Variants in SLC25A46 observed in about 807,000 individuals in gnomAD.
SLC25A46 encodes the protein solute carrier family 25 member 46.
Under a neutral mutation model 44.6 loss-of-function variants are expected in SLC25A46, and 39 were observed. The ratio of observed to expected loss-of-function variants is 0.87; its 90% confidence interval spans 0.68 to 1.14. SLC25A46 has a LOEUF of 1.14. Ranked by LOEUF, SLC25A46 falls within the 50% of genes most tolerant of loss-of-function variation. SLC25A46 has a pLI of 0.00. For synonymous variants in SLC25A46, 202 were observed against 185.8 expected, an observed-to-expected ratio of 1.09 and a Z score of -0.71; for missense variants, 547 against 522.7, an observed-to-expected ratio of 1.05 and a Z score of -0.45.
rs933032669 is a variant in SLC25A46, at chr5:110,764,293, G to A, written c.*2511G>A. 5 of 151,662 alleles carry A rather than the reference G, an allele frequency of 3.3e-5. No individual in the cohort carries two copies. The highest frequency in any genetic ancestry group is 9.7e-5 in the African/African-American group (4 of 41,316). 9.4% of individuals were successfully genotyped at this position (151,662 alleles called of 1,614,324 possible). A position where few individuals can be genotyped will look rare whatever the true frequency, so the allele number is the denominator to read the frequency against. On this transcript the variant is annotated 3_prime_UTR_variant, in exon 8 of 8. Coordinates refer to ENST00000355943, the MANE Select transcript of SLC25A46 (RefSeq NM_138773.4). ...AATTTACTATGTAAAGTGAACTTAC[G>A]AATTAACTTACTAAATACATATATG...
intron 7 of SLC25A46, among the ~76,000 whole-genome samples, chr5:110,758,631 A>C (rs1440946858): frequency 6.6e-6 from 1 of 151,972 alleles, no homozygotes; most frequent in Non-Finnish European, 1.5e-5. Context: ...AAAATACAAA[A>C]ATTAGCCGGG....
At chr5:110,750,347 G>C (rs1799934450) in intron 5 of SLC25A46, among the ~76,000 whole-genome samples, 1 of 151,818 alleles carries the variant, frequency 6.6e-6, no homozygotes, top group Non-Finnish European at 1.5e-5. Context: ...AGTACTTATA[G>C]TCAAATATTC....
In SLC25A46 at chr5:110,739,018, C is replaced by T; in HGVS notation, c.-102C>T. The stretch of plus-strand genomic sequence containing the variant: ...GACTTCCGGTTGTCAGAATTTACCC[C>T]TGACGCGGCGGCGGCCGACGGGAAG... On this transcript the variant is annotated 5_prime_UTR_variant, in exon 1 of 8. Coordinates refer to ENST00000355943, the MANE Select transcript of SLC25A46 (RefSeq NM_138773.4). The T allele has an allele frequency of 1.3e-6, 2 of 1,484,842 alleles. No homozygotes were observed. Among genetic ancestry groups the T allele is most frequent in the South Asian group, 2.6e-5 (2 of 76,512 alleles). 92.0% of individuals were successfully genotyped at this position (1,484,842 alleles called of 1,614,324 possible).
intron 3 of SLC25A46, among the ~76,000 whole-genome samples, chr5:110,744,114 A>G (rs1799756900): frequency 1.3e-5 from 2 of 152,176 alleles, no homozygotes; most frequent in Non-Finnish European, 2.9e-5. Context: ...ATTTTTGCAA[A>G]TATCTTTAAT....
rs535719613 is a variant in SLC25A46 at position 110,762,395 on chromosome 5, T to G, written c.*613T>G. 3.9e-5 allele frequency: 6 copies of G among 152,044 alleles called. No individual in the cohort carries two copies. The highest frequency in any genetic ancestry group is 3.9e-4 in the Admixed American group (6 of 15,218). 9.4% of individuals were successfully genotyped at this position (152,044 alleles called of 1,614,324 possible). ...GCCATTTATGTATACACATGTAACT[T>G]GGAATTTCCTTCATCCCTACACATT... On this transcript the variant is annotated 3_prime_UTR_variant, in exon 8 of 8. Transcript: ENST00000355943.
At chr5:110,748,033 T>C in intron 4 of SLC25A46, 130 bp from the exon 5 acceptor site, 1 of 602,634 alleles carries the variant, frequency 1.7e-6, no homozygotes, top group Non-Finnish European at 2.9e-6. Flanking sequence ...TTAATTGTAG[T>C]TCTCTACTAA....
rs1002659067 is a variant in SLC25A46 at position 110,765,088 on chromosome 5, TCTTA to T, written c.*3309_*3312del. 1.2e-3 allele frequency: 181 copies of T among 151,902 alleles called. No individual in the cohort carries two copies. The highest frequency in any genetic ancestry group is 4.2e-3 in the African/African-American group (175 of 41,504). The allele number at this position is 151,902 out of a possible 1,614,324, so 9.4% of individuals were successfully genotyped here. On this transcript the variant is annotated 3_prime_UTR_variant, in exon 8 of 8. Transcript: ENST00000355943. ...TATGACTTTTTTTTTTTTAAGTTTG[TCTTA>T]CTGTTACTTTAAATGTTTTGGGTAA...
At chr5:110,741,901 C>T in intron 1 of SLC25A46, 146 bp from the exon 2 acceptor site, 3 of 598,066 alleles carry the variant, frequency 5.0e-6, no homozygotes, top group Non-Finnish European at 8.8e-6. Context: ...ATTTACCTGG[C>T]CCCTATCAGA....
intron 5 of SLC25A46, among the ~76,000 whole-genome samples, chr5:110,749,935 T>C (rs1323819254): frequency 6.6e-6 from 1 of 152,202 alleles, no homozygotes; most frequent in African/African-American, 2.4e-5. Flanking sequence ...TATATCATCC[T>C]ATCGATAATG....
At chr5:110,755,574 T>C in intron 6 of SLC25A46, 53 bp downstream of exon 6, 1 of 1,119,460 alleles carries the variant, frequency 8.9e-7, no homozygotes, top group South Asian at 1.5e-5. Context: ...ATTTTTATAG[T>C]ATTAGAACTG....
At chr5:110,757,959 AT>A (rs1449072280) in intron 7 of SLC25A46, among the ~76,000 whole-genome samples, 1 of 152,188 alleles carries the variant, frequency 6.6e-6, no homozygotes, top group African/African-American at 2.4e-5. Context: ...TGTGAATAGT[AT>A]TTTAATAACT....
upstream of SLC25A46, chr5:110,738,387 A>C: frequency 1.9e-6 from 1 of 533,256 alleles, no homozygotes; most frequent in Admixed American, 5.6e-5. Flanking sequence ...TAGTTTCTTT[A>C]CAGCCTTAGA....
At chr5:110,738,971 A>T, upstream of SLC25A46, 1 of 1,450,252 alleles carries the variant, frequency 6.9e-7, no homozygotes. Context: ...ACGTGCTCCG[A>T]AGACTTCCGG....
rs1580858883 is a variant in SLC25A46 at position 110,746,312 on chromosome 5, T to C, written c.428T>C (p.Val143Ala). Residue 143 changes from valine (V) to alanine (A), a missense_variant, in exon 4 of 8, where the codon GTC becomes GCC. Val to Ala is a moderately conservative substitution (Grantham distance 64, BLOSUM62 0). Transcript: ENST00000355943. ...AQHYHLTPFT[V>A]INIMYSFNKT... ...CATTACCATCTCACTCCATTTACAGTCATCAATATTATGTACAGTTTCAAC... is the reference window on the plus strand; with the variant it reads ...CATTACCATCTCACTCCATTTACAGCCATCAATATTATGTACAGTTTCAAC... 5.6e-6 allele frequency: 9 copies of C among 1,593,030 alleles called. No homozygotes were observed. Among genetic ancestry groups the C allele is most frequent in the Non-Finnish European group, 7.7e-6 (9 of 1,173,036 alleles).
rs1799771325 is a variant in SLC25A46 at position 110,744,604 on chromosome 5, C to G, written c.384+817C>G. Among the ~76,000 whole-genome samples, 3 of 152,148 alleles carry G rather than the reference C, an allele frequency of 2.0e-5. No individual in the cohort carries two copies. In the South Asian group the frequency reaches 6.2e-4, roughly 31 times the overall value. ...GAAAAGTCTATAAGTATTGTCAGCTCTTGACGATGCATATAGATTTTCCAA... is the reference window on the plus strand; with the variant it reads ...GAAAAGTCTATAAGTATTGTCAGCTGTTGACGATGCATATAGATTTTCCAA... On this transcript the variant is annotated intron_variant, in intron 3 of 7. Coordinates refer to ENST00000355943, the MANE Select transcript of SLC25A46 (RefSeq NM_138773.4).
intron 5 of SLC25A46, chr5:110,754,161 A>G (rs1024509930): frequency 6.6e-5 from 10 of 151,982 alleles, no homozygotes; most frequent in African/African-American, 2.4e-4. Context: ...TGATGTATGT[A>G]TATGCTGTTG....
chr5:110,741,942 G>T, intron 1 of SLC25A46, 105 bp from the exon 2 acceptor site: 2 of 756,526 alleles, frequency 2.6e-6, no homozygotes, highest in Non-Finnish European at 4.3e-6. Context: ...TGAACAGCAG[G>T]TTAATAAAAT....
rs1208551402 is a variant in SLC25A46 at position 110,761,454 on chromosome 5, T to G, written c.929T>G (p.Leu310Trp). ...AESTSPVQSM[L>W]DAYFPELIAN... is the part of the protein sequence containing the mutation. Reference sequence around the variant, plus strand: ...AGCACTAGCCCTGTGCAGAGTATGTTGGATGCTTATTTTCCAGAACTTATT... The same window carrying G: ...AGCACTAGCCCTGTGCAGAGTATGTGGGATGCTTATTTTCCAGAACTTATT... The change falls in exon 8 of 8, where the codon TTG becomes TGG. Residue 310 changes from leucine to tryptophan, a missense_variant. Coordinates refer to ENST00000355943, the MANE Select transcript of SLC25A46 (RefSeq NM_138773.4). The surrounding 1 kb of genome is among the most constrained non-coding windows in gnomAD (Gnocchi z 5.3). 6.2e-7 allele frequency: 1 copy of G among 1,613,792 alleles called. No individual in the cohort carries two copies. Among genetic ancestry groups the G allele is most frequent in the Non-Finnish European group, 8.5e-7 (1 of 1,179,816 alleles).
intron 3 of SLC25A46, chr5:110,746,045 T>G: frequency 2.2e-6 from 1 of 459,288 alleles, no homozygotes; most frequent in South Asian, 2.4e-5. Context: ...CAGTACTGTG[T>G]GTATTATGCA....
Sources: allele counts gnomAD v4.1 joint callset (sites outside exome capture counted in the v4.1 genomes callset), GRCh38; gene constraint gnomAD v4.1.1; non-coding constraint Gnocchi (gnomAD v3.1); transcripts MANE v1.5; gene names NCBI Gene and HGNC (gene_info 2026-07-23, HGNC 2026-07-21).